Variants in RHOBTB1 observed in about 807,000 individuals in gnomAD.
RHOBTB1 encodes Rho related BTB domain containing 1, also known as rho-related BTB domain-containing protein 1.
A neutral mutation model predicts 71.6 loss-of-function variants in RHOBTB1; 40 were observed. The ratio of observed to expected loss-of-function variants is 0.56; its 90% CI spans 0.43 to 0.73. The LOEUF is 0.73. Ranked by LOEUF, RHOBTB1 falls within the 30% of genes least tolerant of loss-of-function variation. RHOBTB1 has a pLI of 0.00. For synonymous variants in RHOBTB1, 319 were observed against 334.9 expected, an observed-to-expected ratio of 0.95 and a Z score of 0.52; for missense variants, 797 against 894.0, an observed-to-expected ratio of 0.89 and a Z score of 1.38.
At chr10:60,875,937 T>C (rs905470148) in intron 8 of RHOBTB1, among the ~76,000 whole-genome samples, 1 of 152,226 alleles carries the variant, frequency 6.6e-6, no homozygotes, top group African/African-American at 2.4e-5. Flanking sequence ...TGATGTCATC[T>C]GTAGCATTGC....
At chr10:60,925,889 G>A (rs2083851141) in intron 2 of RHOBTB1, among the ~76,000 whole-genome samples, 2 of 152,118 alleles carry the variant, frequency 1.3e-5, no homozygotes, top group Non-Finnish European at 2.9e-5. Context: ...TAGACCAATA[G>A]CAAGTAACCA....
chr10:60,929,796 A>G (rs547665625), intron 2 of RHOBTB1, among the ~76,000 whole-genome samples: 1 of 152,302 alleles, frequency 6.6e-6, no homozygotes, highest in South Asian at 2.1e-4. Flanking sequence ...ATCAGAATAA[A>G]CCAATGTCAG....
At position 60,976,321 on chromosome 10, in the gene RHOBTB1, T is replaced by TTA. The variant is rs1406457495; in HGVS notation, c.-62+9522_-62+9523dup. ...CTCCTTTTGACTATATGTATATATATTATATATATATTCTTTTCTATTTTT... is the reference window on the plus strand; with the variant it reads ...CTCCTTTTGACTATATGTATATATATTATATATATATATTCTTTTCTATTTTT... On this transcript the variant is annotated intron_variant, in intron 2 of 11. Coordinates refer to the RHOBTB1 transcript ENST00000357917. Among the ~76,000 whole-genome samples, 4 of 151,590 alleles carry TTA rather than the reference T, an allele frequency of 2.6e-5. No homozygotes were observed. In the South Asian group the frequency reaches 8.3e-4, roughly 31 times the overall value.
intron 2 of RHOBTB1, among the ~76,000 whole-genome samples, chr10:60,931,561 T>A (rs183044614): frequency 6.6e-5 from 10 of 152,312 alleles, no homozygotes; most frequent in Non-Finnish European, 1.3e-4. Context: ...ATTACTTCTA[T>A]AATGAGAAAG....
chr10:60,930,064 A>G (rs942239396), intron 2 of RHOBTB1, among the ~76,000 whole-genome samples: 6 of 152,220 alleles, frequency 3.9e-5, no homozygotes, highest in South Asian at 2.1e-4. Flanking sequence ...ATATGAACAA[A>G]AAAATCTCAA....
intron 9 of RHOBTB1, among the ~76,000 whole-genome samples, chr10:60,873,582 A>C (rs2132213999): frequency 6.6e-6 from 1 of 152,348 alleles, no homozygotes; most frequent in African/African-American, 2.4e-5. Context: ...CATTCCCTCA[A>C]GTGAATGGTC....
upstream of RHOBTB1, among the ~76,000 whole-genome samples, chr10:60,945,509 G>A (rs1445911920): frequency 6.6e-6 from 1 of 152,088 alleles, no homozygotes; most frequent in Non-Finnish European, 1.5e-5. Context: ...ACACTTCTTG[G>A]TCCCTCAGTT....
chr10:60,888,696 T>A lies in RHOBTB1; in HGVS notation c.972A>T (p.Ile324=). The A allele has an allele frequency of 6.2e-7, 1 of 1,614,204 alleles. No homozygotes were observed. The highest frequency in any genetic ancestry group is 1.3e-5 in the African/African-American group (1 of 75,058). ...EKQSRDFQGR[I]LSVDPEEERE... ...TTTCTTCCTCTGGGTCGACACTCAATATCCGCCCCTGGAAATCTCTGCTCT... is the reference window on the plus strand; with the variant it reads ...TTTCTTCCTCTGGGTCGACACTCAAAATCCGCCCCTGGAAATCTCTGCTCT... Residue 324 remains isoleucine, a synonymous_variant, in exon 6 of 11, where the codon ATA becomes ATT. Transcript: ENST00000337910.
rs535991729 is a variant in RHOBTB1 at position 60,964,016 on chromosome 10, T to G, written c.-62+21829A>C. ...CTTTCCCCACTGTCTCACAACATTC[T>G]CTACCCCCAAATTCATGAAAAATGC... On this transcript the variant is annotated intron_variant, in intron 2 of 11. Transcript: ENST00000357917. Among the ~76,000 whole-genome samples the G allele has an allele frequency of 1.1e-3, 161 of 152,214 alleles. 1 individual carries two copies. Among genetic ancestry groups the G allele is most frequent in the South Asian group, 6.4e-3 (31 of 4,822 alleles).
chr10:60,892,867 A>C lies in RHOBTB1; in HGVS notation c.425T>G (p.Leu142Arg). 1 of 1,614,110 alleles carries C rather than the reference A, an allele frequency of 6.2e-7. No homozygotes were observed. The highest frequency in any genetic ancestry group is 8.5e-7 in the Non-Finnish European group (1 of 1,179,990). The change falls in exon 5 of 11, where the codon CTT (leucine) becomes CGT (arginine). Residue 142 changes from leucine (L) to arginine (R), a missense_variant. By Grantham distance (102) the Leu-to-Arg change is moderately radical. Transcript: ENST00000337910. ...RTPVILVGCQ[L>R]DLRYADLEAV... ...TTCCAGGTCGGCATAGCGGAGATCA[A>C]GCTGGCACCCAACAAGGATAACGGG...
At chr10:60,949,391 C>T (rs527911499) in intron 2 of RHOBTB1, among the ~76,000 whole-genome samples, 1 of 152,292 alleles carries the variant, frequency 6.6e-6, no homozygotes, top group Admixed American at 6.5e-5. Context: ...AGTTTTTGCA[C>T]TTGGGTAAAA....
At chr10:60,890,645 A>C (rs560381426) in intron 5 of RHOBTB1, among the ~76,000 whole-genome samples, 2 of 152,308 alleles carry the variant, frequency 1.3e-5, no homozygotes, top group Non-Finnish European at 2.9e-5. Flanking sequence ...CTTCTTATAT[A>C]AATATTTGGC....
At chr10:60,997,335 C>T (rs1408089919) in intron 1 of RHOBTB1, among the ~76,000 whole-genome samples, 1 of 152,158 alleles carries the variant, frequency 6.6e-6, no homozygotes, top group African/African-American at 2.4e-5. Flanking sequence ...TGTCAAAATG[C>T]AGTTGTGTGG....
chr10:60,953,105 G>A (rs564505379), intron 2 of RHOBTB1, among the ~76,000 whole-genome samples: 9 of 151,922 alleles, frequency 5.9e-5, no homozygotes, highest in Non-Finnish European at 7.4e-5. Context: ...AAAGTCATGC[G>A]GAAAAACACA....
chr10:60,898,350 T>A (rs887196201), intron 4 of RHOBTB1, among the ~76,000 whole-genome samples: 1 of 152,198 alleles, frequency 6.6e-6, no homozygotes, highest in African/African-American at 2.4e-5. Context: ...CGACAACATA[T>A]CTTTCATGCA....
At chr10:60,914,215 G>C (rs974865905) in intron 2 of RHOBTB1, among the ~76,000 whole-genome samples, 1 of 152,148 alleles carries the variant, frequency 6.6e-6, no homozygotes, top group African/African-American at 2.4e-5. Context: ...GCAGGGAGGA[G>C]GTCACAGTTA....
chr10:60,896,630 A>G (rs1356355060), intron 4 of RHOBTB1, among the ~76,000 whole-genome samples: 1 of 152,226 alleles, frequency 6.6e-6, no homozygotes, highest in Non-Finnish European at 1.5e-5. Context: ...TATTAGAGAA[A>G]GCCAGAATTA....
At chr10:60,875,123 C>T (rs952988267) in intron 8 of RHOBTB1, 81 bp from the exon 9 acceptor site, 72 of 988,974 alleles carry the variant, frequency 7.3e-5, no homozygotes, top group Admixed American at 3.3e-4. Flanking sequence ...TGGTCTGGGA[C>T]GACTTAAGAA....
Position 60,994,406 on chromosome 10 carries a change from A to G in RHOBTB1, c.-163+6993T>C, listed in dbSNP as rs186883252. ...TGACATCTTATCTGGGCCAAGCACC[A>G]TCTGAGGGAAGAATATTCCAGAGAA... On this transcript the variant is annotated intron_variant, in intron 1 of 11. Transcript: ENST00000357917. Among the ~76,000 whole-genome samples the G allele has an allele frequency of 2.0e-3, 308 of 152,320 alleles. 2 individuals are homozygous for G. Among genetic ancestry groups the G allele is most frequent in the South Asian group, 0.02 (96 of 4,820 alleles).
Sources: allele counts gnomAD v4.1 joint callset (sites outside exome capture counted in the v4.1 genomes callset), GRCh38; gene constraint gnomAD v4.1.1; transcripts MANE v1.5; gene names NCBI Gene and HGNC (gene_info 2026-07-23, HGNC 2026-07-21).